The following SCARA3 variants were observed in gnomAD, a reference collection of about 807,000 sequenced individuals.
SCARA3 encodes the protein cellular stress response gene protein.
In SCARA3, 39 loss-of-function variants were observed where a neutral mutation model predicts 47.0. The observed-to-expected ratio is 0.83, with a 90% CI of 0.64 to 1.08. SCARA3 has a LOEUF of 1.08. Among genes scored for constraint, SCARA3 ranks in the 50% least tolerant of loss-of-function variants. The probability of loss-of-function intolerance (pLI) is 0.00; values close to 1 mark genes in which losing one functional copy is unlikely to be tolerated. For synonymous variants in SCARA3, 356 were observed against 334.1 expected (o/e 1.07, Z -0.71); for missense variants, 724 against 792.3 (o/e 0.91, Z 1.04).
chr8:27,733,029 T>C, the SCARA3 span, among the ~76,000 whole-genome samples: 3 of 152,304 alleles, frequency 2.0e-5, no homozygotes, highest in Non-Finnish European at 4.4e-5. Flanking sequence ...CCCAGGAATT[T>C]TGGGAGAGCA....
intron 5 of SCARA3, among the ~76,000 whole-genome samples, chr8:27,670,212 G>A (rs1563414088): frequency 6.6e-6 from 1 of 152,188 alleles, no homozygotes; most frequent in South Asian, 2.1e-4. Flanking sequence ...TCTGTGTCCA[G>A]GGCTGGGATG....
chr8:27,648,552 C>T (rs536291), intron 1 of SCARA3, among the ~76,000 whole-genome samples: 27,960 of 151,510 alleles, frequency 0.18, 3,165 homozygotes, highest in Middle Eastern at 0.33. Flanking sequence ...TGCAGTGAGC[C>T]GAGATAGCAC....
the SCARA3 span, among the ~76,000 whole-genome samples, chr8:27,731,173 C>T: frequency 6.6e-6 from 1 of 150,596 alleles, no homozygotes; most frequent in Non-Finnish European, 1.5e-5. Flanking sequence ...TATCACAGCT[C>T]ACTGCAGAAT....
chr8:27,658,575 G>A lies in SCARA3; in HGVS notation c.405G>A (p.Glu135=). ...LGPEIRKLQE[E]LEGIQKLLLA... ...CAGAGATCCGAAAACTGCAGGAGGA[G>A]CTGGAGGGAATTCAGAAGCTGCTTC... The change falls in exon 5 of 6, where the codon GAG becomes GAA. Residue 135 remains glutamate (E), a synonymous_variant. Coordinates refer to ENST00000301904, the MANE Select transcript of SCARA3 (RefSeq NM_016240.3). 6.2e-7 allele frequency: 1 copy of A among 1,614,224 alleles called. No individual in the cohort carries two copies. Among genetic ancestry groups the A allele is most frequent in the Non-Finnish European group, 8.5e-7 (1 of 1,180,044 alleles).
At chr8:27,676,146 A>C (rs1196036105), downstream of SCARA3, among the ~76,000 whole-genome samples, 3 of 152,232 alleles carry the variant, frequency 2.0e-5, no homozygotes, top group Non-Finnish European at 4.4e-5. Context: ...GGATTTTTAG[A>C]AGCTGCTATA....
intron 5 of SCARA3, among the ~76,000 whole-genome samples, chr8:27,669,372 C>T (rs1363709949): frequency 6.6e-6 from 1 of 152,240 alleles, no homozygotes; most frequent in Non-Finnish European, 1.5e-5. Context: ...GCGCCAGGAG[C>T]AGAGGTAGGG....
chr8:27,717,739 C>G, the SCARA3 span, among the ~76,000 whole-genome samples: 1 of 152,010 alleles, frequency 6.6e-6, no homozygotes, highest in African/African-American at 2.4e-5. Context: ...GATACAAGAT[C>G]GCACCACTGC....
chr8:27,672,753 C>T lies in SCARA3; in HGVS notation c.*1402C>T, dbSNP rs1229465201. The T allele has an allele frequency of 1.0e-6, 1 of 985,628 alleles. No homozygotes were observed. Among genetic ancestry groups the T allele is most frequent in the Non-Finnish European group, 1.2e-6 (1 of 830,064 alleles). 61.1% of individuals were successfully genotyped at this position (985,628 alleles called of 1,614,324 possible). On this transcript the variant is annotated 3_prime_UTR_variant, in exon 6 of 6. Coordinates refer to ENST00000301904, the MANE Select transcript of SCARA3 (RefSeq NM_016240.3). Reference sequence around the variant, plus strand: ...GTGGAGGTCTCCTGTTGGCTACACTCTAAAGCTGCTTTGCCTTCATGTTCA... The same window carrying T: ...GTGGAGGTCTCCTGTTGGCTACACTTTAAAGCTGCTTTGCCTTCATGTTCA...
At chr8:27,683,237 C>A in the SCARA3 span, among the ~76,000 whole-genome samples, 8 of 152,082 alleles carry the variant, frequency 5.3e-5, no homozygotes, top group African/African-American at 1.7e-4. Flanking sequence ...GAGGCAAAAC[C>A]AATATAGCGT....
chr8:27,677,065 A>G (rs1802289059), downstream of SCARA3, among the ~76,000 whole-genome samples: 1 of 152,206 alleles, frequency 6.6e-6, no homozygotes, highest in African/African-American at 2.4e-5. Context: ...CCCTTCTTCG[A>G]GATGTAGACA....
chr8:27,670,058 G>A (rs1250170475), intron 5 of SCARA3, among the ~76,000 whole-genome samples: 1 of 152,184 alleles, frequency 6.6e-6, no homozygotes, highest in African/African-American at 2.4e-5. Context: ...GCACTAGACA[G>A]GGCTCCTTAA....
the SCARA3 span, among the ~76,000 whole-genome samples, chr8:27,692,285 T>G: frequency 6.6e-6 from 1 of 152,080 alleles, no homozygotes; most frequent in Admixed American, 6.5e-5. Context: ...CCGGGTGTGG[T>G]GGCACATGCC....
chr8:27,702,565 G>T, the SCARA3 span: 1 of 152,274 alleles, frequency 6.6e-6, no homozygotes, highest in African/African-American at 2.4e-5. Context: ...GGAGTGACGC[G>T]TCCCTGGACC....
chr8:27,717,207 G>A, the SCARA3 span, among the ~76,000 whole-genome samples: 4 of 152,184 alleles, frequency 2.6e-5, no homozygotes, highest in South Asian at 2.1e-4. Flanking sequence ...CAGTCTCTAG[G>A]TGAAGTTCTT....
the SCARA3 span, among the ~76,000 whole-genome samples, chr8:27,713,186 A>C: frequency 6.6e-6 from 1 of 152,210 alleles, no homozygotes; most frequent in Non-Finnish European, 1.5e-5. Context: ...TCCTTTATTA[A>C]ACTTTACATC....
chr8:27,641,883 CAGGTG>C (rs1801389324), intron 1 of SCARA3, among the ~76,000 whole-genome samples: 1 of 152,158 alleles, frequency 6.6e-6, no homozygotes, highest in Non-Finnish European at 1.5e-5. Flanking sequence ...TCATCCAATC[CAGGTG>C]ATGTCATTGT....
the SCARA3 span, among the ~76,000 whole-genome samples, chr8:27,730,781 GC>G: frequency 6.6e-6 from 1 of 151,804 alleles, no homozygotes; most frequent in Non-Finnish European, 1.5e-5. Context: ...TGAGTCCACT[GC>G]CCCTGGCTGC....
Position 27,671,829 on chromosome 8 carries a change from A to G in SCARA3, c.*478A>G, listed in dbSNP as rs1802174748. 1.0e-6 allele frequency: 1 copy of G among 986,092 alleles called. No individual in the cohort carries two copies. Among genetic ancestry groups the G allele is most frequent in the South Asian group, 4.7e-5 (1 of 21,286 alleles). The allele number at this position is 986,092 out of a possible 1,614,324, so 61.1% of individuals were successfully genotyped here. ...CAAACACATATATACACATGCACAT[A>G]CACAGATTTTTCTGCTGGCCAGGTG... is the stretch of plus-strand genomic sequence containing the variant. On this transcript the variant is annotated 3_prime_UTR_variant, in exon 6 of 6. Coordinates refer to ENST00000301904, the MANE Select transcript of SCARA3 (RefSeq NM_016240.3).
At chr8:27,716,417 C>A in the SCARA3 span, among the ~76,000 whole-genome samples, 1,885 of 152,052 alleles carry the variant, frequency 0.012, 37 homozygotes, top group African/African-American at 0.041. Flanking sequence ...GGAACTTTTT[C>A]TTTTAAACCA....
Sources: allele counts gnomAD v4.1 joint callset (sites outside exome capture counted in the v4.1 genomes callset), GRCh38; gene constraint gnomAD v4.1.1; transcripts MANE v1.5; gene names NCBI Gene and HGNC (gene_info 2026-07-23, HGNC 2026-07-21).